SLCO3A1: variants seen among roughly 807,000 people sequenced by gnomAD.
The protein encoded by SLCO3A1 is solute carrier organic anion transporter family member 3A1, also known as PGE1 transporter.
Under a neutral mutation model 63.1 loss-of-function variants are expected in SLCO3A1, and 27 were observed. That is an observed-to-expected ratio of 0.43 (90% CI 0.32 to 0.59). The LOEUF is 0.59. Among genes scored for constraint, SLCO3A1 ranks in the 20% least tolerant of loss-of-function variants. The pLI, the probability that SLCO3A1 is intolerant of heterozygous loss-of-function variation, is 0.09. For missense variants in SLCO3A1, 773 were observed against 945.8 expected (o/e 0.82, Z 2.40); for synonymous variants, 473 against 409.9 (o/e 1.15, Z -1.86).
At chr15:92,145,887 G>T (rs1267130349) in intron 7 of SLCO3A1, among the ~76,000 whole-genome samples, 1 of 152,114 alleles carries the variant, frequency 6.6e-6, no homozygotes, top group Non-Finnish European at 1.5e-5. Flanking sequence ...GACTGACCCT[G>T]TTGGGTTTGG....
intron 8 of SLCO3A1, chr15:92,149,873 TGTCTGTCTTTCAAGTC>T (rs2048281327): frequency 6.6e-6 from 1 of 152,222 alleles, no homozygotes; most frequent in African/African-American, 2.4e-5. Flanking sequence ...TCTATTTATG[TGTCTGTCTTTCAAGTC>T]AGTGCTTTCA....
At chr15:92,165,942 C>A, downstream of SLCO3A1, 1 of 974,520 alleles carries the variant, frequency 1.0e-6, no homozygotes, top group Non-Finnish European at 1.2e-6. Context: ...ACTCCTACAC[C>A]ATCTCAGCTG....
At chr15:92,065,756 T>G (rs2047143373) in intron 2 of SLCO3A1, among the ~76,000 whole-genome samples, 1 of 152,200 alleles carries the variant, frequency 6.6e-6, no homozygotes, top group Non-Finnish European at 1.5e-5. Context: ...ACCATAAAAT[T>G]CACTCATTTT....
chr15:91,993,551 G>C (rs28727370), intron 2 of SLCO3A1, among the ~76,000 whole-genome samples: 36,676 of 152,008 alleles, frequency 0.24, 4,708 homozygotes, highest in East Asian at 0.34. Context: ...CCATTCTTCA[G>C]ATAAATATTT....
chr15:91,969,499 G>T (rs1410781539), intron 2 of SLCO3A1, among the ~76,000 whole-genome samples: 1 of 151,950 alleles, frequency 6.6e-6, no homozygotes, highest in African/African-American at 2.4e-5. Flanking sequence ...AAAGTAGGGG[G>T]TTTCTCCATG....
rs116486337 is a variant in SLCO3A1, at chr15:92,113,286, C to T, written c.1010-7179C>T. Among the ~76,000 whole-genome samples, 238 of 152,222 alleles carry T rather than the reference C, an allele frequency of 1.6e-3. 3 individuals carry two copies. Among genetic ancestry groups the T allele is most frequent in the African/African-American group, 5.3e-3 (222 of 41,546 alleles). Reference sequence around the variant, plus strand: ...ACTGCACCTCTGCAGACACTTGCTTCGTGCTTTAAACTGGCTAATGGGCAG... The same window carrying T: ...ACTGCACCTCTGCAGACACTTGCTTTGTGCTTTAAACTGGCTAATGGGCAG... On this transcript the variant is annotated intron_variant, in intron 4 of 9. Coordinates refer to ENST00000318445, the MANE Select transcript of SLCO3A1 (RefSeq NM_013272.4).
intron 7 of SLCO3A1, among the ~76,000 whole-genome samples, chr15:92,132,061 G>A (rs749842113): frequency 2.7e-5 from 4 of 145,762 alleles, no homozygotes; most frequent in Admixed American, 6.8e-5. Context: ...TGGAGGCCCT[G>A]TACTGACCTC....
At chr15:92,034,358 G>GGTCCTGAGCTT (rs1567079002) in intron 2 of SLCO3A1, among the ~76,000 whole-genome samples, 16 of 150,960 alleles carry the variant, frequency 1.1e-4, no homozygotes, top group Non-Finnish European at 2.4e-4. Flanking sequence ...GCTGGGGTGG[G>GGTCCTGAGCTT]GTGTTTGGAT....
intron 2 of SLCO3A1, among the ~76,000 whole-genome samples, chr15:91,932,363 G>A (rs1217123758): frequency 6.6e-6 from 1 of 152,044 alleles, no homozygotes; most frequent in East Asian, 1.9e-4. Flanking sequence ...TCAGCATGTT[G>A]CCTTTCTTGT....
At chr15:92,148,506 A>ATACT (rs1310215878) in intron 8 of SLCO3A1, among the ~76,000 whole-genome samples, 1 of 152,336 alleles carries the variant, frequency 6.6e-6, no homozygotes, top group African/African-American at 2.4e-5. Context: ...TTACCATTTT[A>ATACT]TACTTACTAA....
chr15:91,933,043 A>G (rs140211845), intron 2 of SLCO3A1, among the ~76,000 whole-genome samples: 168 of 151,502 alleles, frequency 1.1e-3, no homozygotes, highest in African/African-American at 4.0e-3. Flanking sequence ...CTGAGTTAGA[A>G]TTGGAATGAG....
Position 91,938,380 on chromosome 15 carries a change from C to T in SLCO3A1, c.646+21922C>T, listed in dbSNP as rs781335622. On this transcript the variant is annotated intron_variant, in intron 2 of 9. Coordinates refer to ENST00000318445, the MANE Select transcript of SLCO3A1 (RefSeq NM_013272.4). Reference sequence around the variant, plus strand: ...CCCGTTTAGTTAAAAAGTGATGAGACGAAATGGCATTTGAGCAAGATTAAC... The same window carrying T: ...CCCGTTTAGTTAAAAAGTGATGAGATGAAATGGCATTTGAGCAAGATTAAC... Among the ~76,000 whole-genome samples, 6 of 151,808 alleles carry T rather than the reference C, an allele frequency of 4.0e-5. No homozygotes were observed. In the South Asian group the frequency reaches 6.2e-4, roughly 16 times the overall value.
intron 1 of SLCO3A1, among the ~76,000 whole-genome samples, chr15:91,908,209 C>G (rs943985612): frequency 1.3e-5 from 2 of 149,480 alleles, no homozygotes; most frequent in African/African-American, 4.9e-5. Context: ...AATCCCCACC[C>G]CCACAACTTG....
chr15:91,929,618 A>T (rs1899151304), intron 2 of SLCO3A1, among the ~76,000 whole-genome samples: 1 of 152,218 alleles, frequency 6.6e-6, no homozygotes, highest in Non-Finnish European at 1.5e-5. Flanking sequence ...TGTTAAGCAC[A>T]TTCACATTGT....
At chr15:92,058,656 T>C (rs1378880870) in intron 2 of SLCO3A1, among the ~76,000 whole-genome samples, 1 of 152,162 alleles carries the variant, frequency 6.6e-6, no homozygotes, top group Non-Finnish European at 1.5e-5. Flanking sequence ...GGGATAATGC[T>C]TTCCTGGGGC....
intron 7 of SLCO3A1, among the ~76,000 whole-genome samples, chr15:92,136,141 G>A (rs750118395): frequency 6.6e-6 from 1 of 152,288 alleles, no homozygotes; most frequent in African/African-American, 2.4e-5. Context: ...AAATTTTCAT[G>A]TATCTCTGCT....
intron 2 of SLCO3A1, among the ~76,000 whole-genome samples, chr15:91,945,669 G>A (rs1341919446): frequency 1.3e-5 from 2 of 152,226 alleles, no homozygotes; most frequent in Non-Finnish European, 2.9e-5. Flanking sequence ...GGCCTGGCTG[G>A]CTGCAGGAAA....
chr15:92,134,879 G>T (rs1285722200), intron 7 of SLCO3A1, among the ~76,000 whole-genome samples: 2 of 152,120 alleles, frequency 1.3e-5, no homozygotes, highest in African/African-American at 2.4e-5. Context: ...ATTGGTTCTG[G>T]GTGGGGCAGG....
chr15:92,079,049 G>A (rs947678451), intron 2 of SLCO3A1, among the ~76,000 whole-genome samples: 1 of 152,206 alleles, frequency 6.6e-6, no homozygotes, highest in Non-Finnish European at 1.5e-5. Flanking sequence ...CGGTGAGGGG[G>A]TCCAGCGATA....
Sources: gnomAD v4.1 joint callset for allele counts (sites outside exome capture counted in the v4.1 genomes callset) on GRCh38, gnomAD v4.1.1 for gene constraint, MANE v1.5 for transcripts, NCBI Gene and HGNC (gene_info 2026-07-23, HGNC 2026-07-21) for gene names.